The following CERS6 variants were observed in gnomAD, a reference collection of about 807,000 sequenced individuals.
CERS6 encodes ceramide synthase 6.
Under a neutral mutation model 56.8 loss-of-function variants are expected in CERS6, and 26 were observed. The ratio of observed to expected loss-of-function variants is 0.46; its 90% CI spans 0.34 to 0.63. The LOEUF (loss-of-function observed/expected upper bound fraction) is 0.63, where lower values mean the gene tolerates loss of function less well. Ranked by LOEUF, CERS6 falls within the 30% of genes least tolerant of loss-of-function variation. The pLI is 0.01. For missense variants in CERS6, 415 were observed against 467.5 expected (o/e 0.89, Z 1.04); for synonymous variants, 164 against 173.3 (o/e 0.95, Z 0.42).
At chr2:168,509,235 A>T (rs943179454) in intron 1 of CERS6, among the ~76,000 whole-genome samples, 1 of 152,212 alleles carries the variant, frequency 6.6e-6, no homozygotes, top group Admixed American at 6.5e-5. Context: ...ACCCAAAATG[A>T]TGTATCCTGA....
intron 3 of CERS6, among the ~76,000 whole-genome samples, chr2:168,587,711 A>G (rs1683576577): frequency 6.6e-6 from 1 of 151,918 alleles, no homozygotes; most frequent in Non-Finnish European, 1.5e-5. Context: ...GGTGTGATTA[A>G]TATGTAATAC....
chr2:168,612,188 C>G, intron 3 of CERS6, among the ~76,000 whole-genome samples: 1 of 152,090 alleles, frequency 6.6e-6, no homozygotes. Flanking sequence ...TAGGGAGTGC[C>G]CAGGATCAAA....
intron 3 of CERS6, among the ~76,000 whole-genome samples, chr2:168,588,640 C>A (rs963258411): frequency 6.6e-6 from 1 of 152,142 alleles, no homozygotes. Flanking sequence ...TTTGTTTATG[C>A]ATTTATTTGT....
intron 6 of CERS6, among the ~76,000 whole-genome samples, chr2:168,711,588 G>C (rs113006771): frequency 1.3e-5 from 2 of 151,910 alleles, no homozygotes; most frequent in Non-Finnish European, 2.9e-5. Context: ...ACAAAAATTA[G>C]CTGGGCGTGG....
intron 4 of CERS6, among the ~76,000 whole-genome samples, chr2:168,648,725 T>C (rs1326075921): frequency 1.3e-5 from 2 of 152,238 alleles, no homozygotes; most frequent in East Asian, 1.9e-4. Flanking sequence ...ATGTTTTATC[T>C]TTGTTCTCAT....
intron 1 of CERS6, among the ~76,000 whole-genome samples, chr2:168,505,825 G>A (rs1408160742): frequency 6.6e-6 from 1 of 152,144 alleles, no homozygotes; most frequent in African/African-American, 2.4e-5. Context: ...AGCTCAATCA[G>A]GATTATTCTT....
rs113285299 is a variant in CERS6 at position 168,634,557 on chromosome 2, C to T, written c.465+3515C>T. ...CCTCCCAAGTAGCTGGGATTATATGCCTGTGCCACCATGACAGGCTAATTT... is the reference window on the plus strand; with the variant it reads ...CCTCCCAAGTAGCTGGGATTATATGTCTGTGCCACCATGACAGGCTAATTT... On this transcript the variant is annotated intron_variant, in intron 4 of 9. Transcript: ENST00000305747. 7.1e-3 allele frequency among the ~76,000 whole-genome samples: 1,079 copies of T among 152,156 alleles called. 13 individuals carry two copies. The highest frequency in any genetic ancestry group is 0.022 in the African/African-American group (920 of 41,498).
intron 3 of CERS6, among the ~76,000 whole-genome samples, chr2:168,588,076 G>A (rs1683585888): frequency 8.6e-6 from 1 of 116,588 alleles, no homozygotes; most frequent in African/African-American, 3.0e-5. Flanking sequence ...ACCATACCTG[G>A]CTAATTTTTT....
intron 4 of CERS6, among the ~76,000 whole-genome samples, chr2:168,659,175 G>A (rs1020205618): frequency 7.2e-5 from 11 of 152,158 alleles, no homozygotes; most frequent in African/African-American, 2.7e-4. Context: ...CCCACGCTTG[G>A]TTTGTTATTA....
At chr2:168,544,452 A>C (rs1226476194) in intron 1 of CERS6, among the ~76,000 whole-genome samples, 1 of 152,040 alleles carries the variant, frequency 6.6e-6, no homozygotes, top group Non-Finnish European at 1.5e-5. Flanking sequence ...GGCTCTGGAG[A>C]TGTGGACTTC....
At chr2:168,560,876 C>G (rs6716374) in intron 2 of CERS6, among the ~76,000 whole-genome samples, 38,158 of 152,044 alleles carry the variant, frequency 0.25, 5,401 homozygotes, top group East Asian at 0.53. Context: ...ATGAGGCTGA[C>G]TCAGTTTGTT....
At chr2:168,753,878 A>G (rs1001660678) in intron 8 of CERS6, among the ~76,000 whole-genome samples, 1 of 152,070 alleles carries the variant, frequency 6.6e-6, no homozygotes, top group Non-Finnish European at 1.5e-5. Flanking sequence ...AATTTCTTAC[A>G]CTCTAGGTAA....
intron 4 of CERS6, among the ~76,000 whole-genome samples, chr2:168,650,067 TA>T (rs1199096210): frequency 1.3e-5 from 2 of 151,886 alleles, no homozygotes; most frequent in South Asian, 2.1e-4. Flanking sequence ...AAGTGAGACT[TA>T]AAAAAAACAA....
At chr2:168,731,536 A>G (rs1683532716) in intron 8 of CERS6, among the ~76,000 whole-genome samples, 1 of 152,046 alleles carries the variant, frequency 6.6e-6, no homozygotes, top group South Asian at 2.1e-4. Context: ...TATGCTACTG[A>G]AGGGAAAACA....
intron 4 of CERS6, among the ~76,000 whole-genome samples, chr2:168,669,228 A>G (rs1176305960): frequency 6.6e-6 from 1 of 152,214 alleles, no homozygotes; most frequent in Non-Finnish European, 1.5e-5. Flanking sequence ...TCCTGGTGCA[A>G]GATGGCTGCT....
At chr2:168,674,959 CTTAT>C (rs59783108) in intron 4 of CERS6, among the ~76,000 whole-genome samples, 17,606 of 148,332 alleles carry the variant, frequency 0.12, 1,346 homozygotes, top group African/African-American at 0.2. Context: ...TTTACATTAC[CTTAT>C]TTATTTATTT....
At position 168,524,567 on chromosome 2, in the gene CERS6, G is replaced by A. The variant is rs114862386; in HGVS notation, c.171-23029G>A. 6.4e-3 allele frequency among the ~76,000 whole-genome samples: 974 copies of A among 152,216 alleles called. 11 individuals carry two copies. The highest frequency in any genetic ancestry group is 8.8e-3 in the African/African-American group (366 of 41,548). Reference sequence around the variant, plus strand: ...AGGGGCATTTGTGGAAAGAAAATCCGTGTAACGAAATGATAAACAATAATA... The same window carrying A: ...AGGGGCATTTGTGGAAAGAAAATCCATGTAACGAAATGATAAACAATAATA... On this transcript the variant is annotated intron_variant, in intron 1 of 9. Coordinates refer to ENST00000305747, the MANE Select transcript of CERS6 (RefSeq NM_203463.3).
chr2:168,548,016 TG>T (rs1259867602), intron 2 of CERS6, among the ~76,000 whole-genome samples: 4 of 152,156 alleles, frequency 2.6e-5, no homozygotes, highest in Admixed American at 6.6e-5. Flanking sequence ...AGATGAGGGC[TG>T]GGAGGGACTT....
chr2:168,462,524 C>G (rs1693797005), intron 1 of CERS6, among the ~76,000 whole-genome samples: 1 of 152,134 alleles, frequency 6.6e-6, no homozygotes, highest in South Asian at 2.1e-4. Context: ...CATGATTGAA[C>G]ACAAAAGGAT....
Sources: gnomAD v4.1 joint callset for allele counts (sites outside exome capture counted in the v4.1 genomes callset) on GRCh38, gnomAD v4.1.1 for gene constraint, MANE v1.5 for transcripts, NCBI Gene and HGNC (gene_info 2026-07-23, HGNC 2026-07-21) for gene names.